The following CHD1L variants were observed in gnomAD, a reference collection of about 807,000 sequenced individuals.
The protein encoded by CHD1L is chromodomain helicase DNA binding protein 1 like.
Under a neutral mutation model 115.9 loss-of-function variants are expected in CHD1L, and 118 were observed. That is an observed-to-expected ratio of 1.02 (90% CI 0.88 to 1.19). The LOEUF (loss-of-function observed/expected upper bound fraction) is 1.19, where lower values mean the gene tolerates loss of function less well. CHD1L is among the 50% of genes most tolerant of loss of function. CHD1L has a pLI of 0.00. For missense variants in CHD1L, 1,179 were observed against 1,065.3 expected, an observed-to-expected ratio of 1.11 and a Z score of -1.49; for synonymous variants, 411 against 387.1, an observed-to-expected ratio of 1.06 and a Z score of -0.72.
the CHD1L span, chr1:147,187,281 T>TTTTCTC: frequency 6.8e-6 from 10 of 1,477,378 alleles, 1 homozygote; most frequent in South Asian, 1.3e-4. Context: ...GGCCTGTCAA[T>TTTTCTC]AATTCAATCA....
At chr1:147,218,299 G>A in the CHD1L span, among the ~76,000 whole-genome samples, 1 of 150,246 alleles carries the variant, frequency 6.7e-6, no homozygotes, top group East Asian at 2.0e-4. Flanking sequence ...GCAGTAGCAC[G>A]ATCTCAGCTC....
At chr1:147,193,091 C>T in the CHD1L span, among the ~76,000 whole-genome samples, 9 of 152,242 alleles carry the variant, frequency 5.9e-5, no homozygotes, top group East Asian at 1.5e-3. Context: ...ATGGTACCAG[C>T]TCCTCTTTGT....
chr1:147,225,259 A>G, the CHD1L span: 2 of 1,167,734 alleles, frequency 1.7e-6, no homozygotes, highest in African/African-American at 3.1e-5. Context: ...CAGAGCTGAG[A>G]GTGCTCTGCT....
Position 147,264,447 on chromosome 1 carries a change from T to A in CHD1L, c.602T>A (p.Leu201Ter), listed in dbSNP as rs1553946490. The change falls in exon 7 of 23, where the codon TTG becomes TAG. Residue 201 changes from leucine (L) to a stop codon, truncating the protein, a stop_gained. Transcript: ENST00000369258. LOFTEE classifies it high-confidence loss of function. ...SEFSVVFSLLLTGTPIQNSLQ... is the reference protein window; with the variant it reads ...SEFSVVFSLL ...TTCTCAGTAGTCTTCAGTCTCCTGT[T>A]GACCGGAACTCCCATCCAGAACAGC... The A allele has an allele frequency of 6.2e-7, 1 of 1,612,538 alleles. No individual in the cohort carries two copies. The highest frequency in any genetic ancestry group is 8.5e-7 in the Non-Finnish European group (1 of 1,179,238).
chr1:147,269,575 A>G (rs1175411924), intron 10 of CHD1L, among the ~76,000 whole-genome samples: 1 of 147,738 alleles, frequency 6.8e-6, no homozygotes, highest in African/African-American at 2.5e-5. Flanking sequence ...AGGCTGAGGC[A>G]GGAGAATCAC....
the CHD1L span, among the ~76,000 whole-genome samples, chr1:147,197,865 A>G: frequency 0.086 from 13,155 of 152,226 alleles, 637 homozygotes; most frequent in African/African-American, 0.13. Flanking sequence ...CCCTAGCAGA[A>G]GGCCTGGTAC....
the CHD1L span, among the ~76,000 whole-genome samples, chr1:147,236,864 A>G: frequency 1.3e-5 from 2 of 152,052 alleles, no homozygotes; most frequent in African/African-American, 2.4e-5. Flanking sequence ...ACAAGTTCTC[A>G]CTCTGGTTTT....
chr1:147,233,428 T>G, the CHD1L span, among the ~76,000 whole-genome samples: 12 of 60,814 alleles, frequency 2.0e-4, no homozygotes, highest in African/African-American at 4.6e-4. Context: ...AGGTGGGGGG[T>G]CAGCCCCCCC....
chr1:147,178,124 G>C, the CHD1L span: 1 of 1,591,260 alleles, frequency 6.3e-7, no homozygotes, highest in South Asian at 1.1e-5. Flanking sequence ...ATGTGCCTCC[G>C]CCGCCCAGCG....
At chr1:147,237,342 G>C in the CHD1L span, among the ~76,000 whole-genome samples, 2 of 152,162 alleles carry the variant, frequency 1.3e-5, no homozygotes, top group African/African-American at 4.8e-5. Context: ...GCACCCAGGA[G>C]GGTGGGGCTC....
Position 147,267,399 on chromosome 1 carries a change from GTCTC to G in CHD1L, c.896-21_896-18del, listed in dbSNP as rs150510727. 4,230 of 1,568,896 alleles carry G rather than the reference GTCTC, an allele frequency of 2.7e-3. 75 individuals are homozygous for G. In the African/African-American group the frequency reaches 0.05, roughly 19 times the overall value. ...TTTGTTCAGTAGGCCATCTCTTTCT[GTCTC>G]TCTCTTTTTTTTTAAATTTCAGATG... On this transcript the variant is annotated intron_variant, in intron 8 of 22. Coordinates refer to ENST00000369258, the MANE Select transcript of CHD1L (RefSeq NM_004284.6).
intron 2 of CHD1L, among the ~76,000 whole-genome samples, chr1:147,253,794 A>C (rs1390252453): frequency 6.6e-6 from 1 of 152,252 alleles, no homozygotes; most frequent in Non-Finnish European, 1.5e-5. Context: ...CACTGCACCC[A>C]GCCCATGGTT....
At chr1:147,186,129 G>T in the CHD1L span, 1 of 161,192 alleles carries the variant, frequency 6.2e-6, no homozygotes, top group Non-Finnish European at 1.3e-5. Context: ...AAGTTTTGTT[G>T]GATCCTAATA....
chr1:147,186,820 T>C, the CHD1L span: 6 of 1,520,730 alleles, frequency 3.9e-6, no homozygotes, highest in Non-Finnish European at 5.3e-6. Context: ...AATATGAAAC[T>C]GAGAGTCAAT....
chr1:147,240,624 C>T (rs587662339), upstream of CHD1L, among the ~76,000 whole-genome samples: 24 of 152,152 alleles, frequency 1.6e-4, no homozygotes, highest in Admixed American at 3.3e-4. Context: ...TGGAATGTCT[C>T]GGTGTAAAAC....
the CHD1L span, chr1:147,179,404 A>G: frequency 6.3e-7 from 1 of 1,598,058 alleles, no homozygotes; most frequent in East Asian, 2.2e-5. Flanking sequence ...GAATATCGTC[A>G]TAGCCAAGAT....
At chr1:147,236,645 G>T in the CHD1L span, among the ~76,000 whole-genome samples, 2 of 151,750 alleles carry the variant, frequency 1.3e-5, no homozygotes, top group Non-Finnish European at 2.9e-5. Context: ...CTCTCACAGA[G>T]AGGAGACCCT....
At chr1:147,212,405 T>C in the CHD1L span, 1 of 1,614,038 alleles carries the variant, frequency 6.2e-7, no homozygotes, top group Non-Finnish European at 8.5e-7. Flanking sequence ...GCTTGGCTGT[T>C]TGGCTAATCT....
the CHD1L span, among the ~76,000 whole-genome samples, chr1:147,197,454 G>T: frequency 6.6e-6 from 1 of 152,100 alleles, no homozygotes; most frequent in African/African-American, 2.4e-5. Flanking sequence ...ATCTTATCTT[G>T]AATTTTGGGT....
Sources: allele counts gnomAD v4.1 joint callset (sites outside exome capture counted in the v4.1 genomes callset), GRCh38; gene constraint gnomAD v4.1.1; transcripts MANE v1.5; gene names NCBI Gene and HGNC (gene_info 2026-07-23, HGNC 2026-07-21).